The following MYH15 variants were observed in gnomAD, a reference collection of about 807,000 sequenced individuals.
The protein encoded by MYH15 is myosin heavy chain 15.
MYH15 carries 227 observed loss-of-function variants against 240.5 expected under a neutral mutation model. That is an observed-to-expected ratio of 0.94 (90% CI 0.85 to 1.05). The LOEUF is 1.05. Ranked by LOEUF, MYH15 falls within the 50% of genes least tolerant of loss-of-function variation. MYH15 has a pLI of 0.00. For synonymous variants in MYH15, 785 were observed against 796.7 expected (o/e 0.99, Z 0.25); for missense variants, 2,217 against 2,247.5 (o/e 0.99, Z 0.27).
chr3:108,404,199 C>T (rs1004427208), intron 33 of MYH15, among the ~76,000 whole-genome samples: 8 of 152,088 alleles, frequency 5.3e-5, no homozygotes, highest in South Asian at 2.1e-4. Context: ...ACTCAAAGCA[C>T]ATAGAAGGCC....
chr3:108,399,788 G>A (rs941168979), intron 33 of MYH15, among the ~76,000 whole-genome samples: 3 of 152,170 alleles, frequency 2.0e-5, no homozygotes, highest in African/African-American at 7.2e-5. Context: ...GAATAAAATG[G>A]TTATCTTTCT....
intron 40 of MYH15, among the ~76,000 whole-genome samples, chr3:108,383,313 A>G (rs975483107): frequency 6.6e-6 from 1 of 152,178 alleles, no homozygotes; most frequent in Admixed American, 6.6e-5. Flanking sequence ...CTTTACACTA[A>G]TGAATCCAGG....
chr3:108,486,305 T>G (rs2083305041), intron 10 of MYH15, 118 bp downstream of exon 10: 2 of 670,494 alleles, frequency 3.0e-6, no homozygotes, highest in Non-Finnish European at 5.0e-6. Context: ...GAAGCAGCCC[T>G]ACACCCCTAC....
chr3:108,382,726 G>A (rs138811377), intron 40 of MYH15, among the ~76,000 whole-genome samples: 16 of 151,808 alleles, frequency 1.1e-4, no homozygotes, highest in East Asian at 3.9e-4. Flanking sequence ...GATTCTGCCC[G>A]AAAACACAGA....
At position 108,486,444 on chromosome 3, in the gene MYH15, A is replaced by G. The variant is rs1452186593; in HGVS notation, c.954T>C (p.Ala318=). The G allele has an allele frequency of 6.2e-7, 1 of 1,611,626 alleles. No individual in the cohort carries two copies. The highest frequency in any genetic ancestry group is 1.3e-5 in the African/African-American group (1 of 75,016). ...GAVTVESLDD[A]EELLATEQAM... ...TTACTTCTGTGGCCAGCAATTCTTC[A>G]GCATCATCCAAGCTCTCCACAGTAA... Residue 318 remains alanine, a synonymous_variant, in exon 10 of 41, where the codon GCT becomes GCC. Coordinates refer to ENST00000693548, the MANE Select transcript of MYH15 (RefSeq NM_014981.3).
At chr3:108,529,537 A>C (rs920842450), upstream of MYH15, among the ~76,000 whole-genome samples, 12 of 152,210 alleles carry the variant, frequency 7.9e-5, no homozygotes, top group African/African-American at 2.9e-4. Context: ...CTATATTTCA[A>C]AACATTCTTT....
intron 32 of MYH15, 66 bp downstream of exon 32, chr3:108,408,214 T>C (rs2082560585): frequency 6.5e-7 from 1 of 1,531,280 alleles, no homozygotes; most frequent in African/African-American, 1.4e-5. Flanking sequence ...GTGCTGCTGT[T>C]ATTGCTGAAT....
At chr3:108,480,980 C>T (rs1163705279) in intron 11 of MYH15, among the ~76,000 whole-genome samples, 1 of 151,952 alleles carries the variant, frequency 6.6e-6, no homozygotes, top group East Asian at 1.9e-4. Context: ...ATTAAGAACC[C>T]TTAGAATTAA....
intron 11 of MYH15, among the ~76,000 whole-genome samples, chr3:108,480,098 G>C (rs1281495337): frequency 6.6e-6 from 1 of 152,174 alleles, no homozygotes; most frequent in Non-Finnish European, 1.5e-5. Flanking sequence ...GGAAAAAATA[G>C]TATGTCAGTA....
chr3:108,512,219 T>C (rs2083527121), upstream of MYH15, among the ~76,000 whole-genome samples: 1 of 152,104 alleles, frequency 6.6e-6, no homozygotes, highest in Non-Finnish European at 1.5e-5. Flanking sequence ...AGCAATAACA[T>C]TGTTAGACAT....
upstream of MYH15, among the ~76,000 whole-genome samples, chr3:108,529,795 A>C (rs2083699782): frequency 2.6e-5 from 4 of 152,236 alleles, no homozygotes; most frequent in Admixed American, 2.6e-4. Context: ...AGAGTTTCCA[A>C]GACATAACAC....
At chr3:108,454,170 A>G (rs1427948045) in intron 20 of MYH15, 28 bp from the exon 21 acceptor site, 2 of 1,594,272 alleles carry the variant, frequency 1.3e-6, no homozygotes, top group East Asian at 2.2e-5. Context: ...TGTTAGCTCC[A>G]CTGATAATGG....
chr3:108,477,810 A>C (rs2107591513), intron 11 of MYH15, among the ~76,000 whole-genome samples: 1 of 152,270 alleles, frequency 6.6e-6, no homozygotes, highest in Non-Finnish European at 1.5e-5. Flanking sequence ...CCATTTCCTC[A>C]AGAAGTGGAG....
At chr3:108,403,059 G>A (rs1056558780) in intron 33 of MYH15, among the ~76,000 whole-genome samples, 18 of 152,084 alleles carry the variant, frequency 1.2e-4, no homozygotes, top group African/African-American at 4.1e-4. Flanking sequence ...TGTCTATGAA[G>A]CCCTGACTAG....
At chr3:108,513,467 C>G (rs558796895), upstream of MYH15, among the ~76,000 whole-genome samples, 1 of 152,186 alleles carries the variant, frequency 6.6e-6, no homozygotes, top group East Asian at 1.9e-4. Flanking sequence ...CTTCTAGGAC[C>G]TAGCTCTGCC....
intron 38 of MYH15, 129 bp downstream of exon 38, chr3:108,388,841 T>C: frequency 1.4e-6 from 1 of 702,858 alleles, no homozygotes; most frequent in Non-Finnish European, 2.4e-6. Context: ...AGTCAGTGTC[T>C]ACTGCTGAAG....
intron 12 of MYH15, among the ~76,000 whole-genome samples, chr3:108,471,412 A>G (rs915929802): frequency 6.6e-6 from 1 of 152,086 alleles, no homozygotes; most frequent in African/African-American, 2.4e-5. Context: ...GCTGATTCCT[A>G]TTGACAAAGA....
At chr3:108,512,120 C>T (rs996343700), upstream of MYH15, among the ~76,000 whole-genome samples, 9 of 152,114 alleles carry the variant, frequency 5.9e-5, no homozygotes, top group Admixed American at 2.0e-4. Flanking sequence ...TCCAGAGATG[C>T]GACTGAAGGC....
upstream of MYH15, among the ~76,000 whole-genome samples, chr3:108,514,534 C>T (rs1437114647): frequency 1.3e-5 from 2 of 152,100 alleles, no homozygotes; most frequent in Non-Finnish European, 2.9e-5. Context: ...AAATACTGTG[C>T]CCTCTTGGAG....
Sources: allele counts gnomAD v4.1 joint callset (sites outside exome capture counted in the v4.1 genomes callset), GRCh38; gene constraint gnomAD v4.1.1; transcripts MANE v1.5; gene names NCBI Gene and HGNC (gene_info 2026-07-23, HGNC 2026-07-21).